Variants in BICDL1 observed in about 807,000 individuals in gnomAD.
BICDL1 encodes BICD family-like cargo adapter 1.
Under a neutral mutation model 76.8 loss-of-function variants are expected in BICDL1, and 20 were observed. That is an observed-to-expected ratio of 0.26 (90% CI 0.18 to 0.38). The LOEUF is 0.38. Among genes scored for constraint, BICDL1 ranks in the 10% least tolerant of loss-of-function variants. The pLI, the probability that BICDL1 is intolerant of heterozygous loss-of-function variation, is 1.00. For missense variants in BICDL1, 700 were observed against 798.6 expected, an observed-to-expected ratio of 0.88 and a Z score of 1.49; for synonymous variants, 383 against 337.1, an observed-to-expected ratio of 1.14 and a Z score of -1.49.
intron 2 of BICDL1, among the ~76,000 whole-genome samples, chr12:120,022,719 C>T (rs1430636414): frequency 4.0e-5 from 6 of 151,842 alleles, no homozygotes; most frequent in African/African-American, 7.3e-5. Context: ...GAGTGATCCC[C>T]GAGAAATGGG....
chr12:119,997,092 G>A (rs917244409), intron 1 of BICDL1, among the ~76,000 whole-genome samples: 2 of 152,004 alleles, frequency 1.3e-5, no homozygotes, highest in Non-Finnish European at 2.9e-5. Flanking sequence ...GGGACTGCAG[G>A]CCCTCGCCAC....
intron 1 of BICDL1, among the ~76,000 whole-genome samples, chr12:119,996,147 C>G (rs746404450): frequency 1.1e-4 from 16 of 152,142 alleles, no homozygotes; most frequent in South Asian, 6.2e-4. Context: ...TCAACAGATA[C>G]ACTCGAGTGG....
At chr12:120,030,890 G>T (rs984474759) in intron 2 of BICDL1, among the ~76,000 whole-genome samples, 2 of 152,026 alleles carry the variant, frequency 1.3e-5, no homozygotes, top group African/African-American at 4.8e-5. Flanking sequence ...TTTGCCTCAA[G>T]GCATGGGTTT....
At chr12:120,040,142 A>C (rs919624789) in intron 2 of BICDL1, among the ~76,000 whole-genome samples, 4 of 151,596 alleles carry the variant, frequency 2.6e-5, no homozygotes, top group Non-Finnish European at 5.9e-5. Context: ...TCATTCTGTC[A>C]CCCACACTGG....
chr12:119,998,775 A>G, intron 2 of BICDL1, 39 bp downstream of exon 2: 3 of 1,576,002 alleles, frequency 1.9e-6, no homozygotes, highest in African/African-American at 2.7e-5. Context: ...TAAAATACTA[A>G]AAGTTGAAAT....
At chr12:120,020,758 A>G (rs997900069) in intron 2 of BICDL1, among the ~76,000 whole-genome samples, 1 of 152,228 alleles carries the variant, frequency 6.6e-6, no homozygotes, top group African/African-American at 2.4e-5. Flanking sequence ...ACAAGGAGAA[A>G]GACACAGCTT....
chr12:120,091,491 G>A (rs1021402347), intron 9 of BICDL1: 5 of 992,044 alleles, frequency 5.0e-6, no homozygotes, highest in African/African-American at 1.8e-5. Flanking sequence ...ACTGTGCCAA[G>A]GATCATATAC....
chr12:120,064,636 A>G lies in BICDL1; in HGVS notation c.763-97A>G, dbSNP rs1594188807. 24 of 1,254,312 alleles carry G rather than the reference A, an allele frequency of 1.9e-5. No individual in the cohort carries two copies. In the East Asian group the frequency reaches 6.1e-4, roughly 32 times the overall value. 77.7% of individuals were successfully genotyped at this position (1,254,312 alleles called of 1,614,324 possible). A position where few individuals can be genotyped will look rare whatever the true frequency, so the allele number is the denominator to read the frequency against. ...ACCGTGACATTGGGCAGAATACTGA[A>G]AGATACTTGCCTTCATGTTTTGGGG... On this transcript the variant is annotated intron_variant, in intron 3 of 9. Coordinates refer to ENST00000548673, the MANE Select transcript of BICDL1 (RefSeq NM_001367886.1).
intron 2 of BICDL1, among the ~76,000 whole-genome samples, chr12:120,054,016 T>C (rs183912791): frequency 1.3e-5 from 2 of 149,512 alleles, no homozygotes; most frequent in East Asian, 3.9e-4. Context: ...CTACTAAAAA[T>C]ATAAAAAAAA....
At chr12:120,069,477 G>A (rs1308750027) in intron 4 of BICDL1, among the ~76,000 whole-genome samples, 2 of 152,148 alleles carry the variant, frequency 1.3e-5, no homozygotes, top group Non-Finnish European at 2.9e-5. Flanking sequence ...AAAGAACCCT[G>A]GACTGGGAGT....
At chr12:120,030,407 T>C (rs1952398369) in intron 2 of BICDL1, among the ~76,000 whole-genome samples, 1 of 152,140 alleles carries the variant, frequency 6.6e-6, no homozygotes, top group African/African-American at 2.4e-5. Context: ...CCTGAAGAGA[T>C]GGGTGTATTT....
chr12:119,996,286 T>C (rs569602047), intron 1 of BICDL1, among the ~76,000 whole-genome samples: 1 of 152,226 alleles, frequency 6.6e-6, no homozygotes, highest in South Asian at 2.1e-4. Context: ...TTCTTTTGAC[T>C]GCTCTCAATC....
rs531480554 is a variant in BICDL1, at chr12:119,989,236, A to C, written c.-633A>C. Among the ~76,000 whole-genome samples the C allele has an allele frequency of 6.7e-6, 1 of 149,792 alleles. No individual in the cohort carries two copies. Among genetic ancestry groups the C allele is most frequent in the African/African-American group, 2.4e-5 (1 of 41,116 alleles). On this transcript the variant is annotated 5_prime_UTR_variant, in exon 1 of 10. Transcript: ENST00000548673. ...TGAGCCGGGAGGAGCCGGGGAAGGC[A>C]GGAAGGAGCTCGCCGGGTTGCGCGG...
chr12:119,994,394 C>CT (rs376520041), intron 1 of BICDL1, among the ~76,000 whole-genome samples: 2,164 of 136,096 alleles, frequency 0.016, 39 homozygotes, highest in African/African-American at 0.042. Context: ...TTTTTTGGTT[C>CT]TTTTTTTTTT....
At chr12:120,062,776 T>C (rs1953133688) in intron 3 of BICDL1, among the ~76,000 whole-genome samples, 2 of 152,196 alleles carry the variant, frequency 1.3e-5, no homozygotes, top group Admixed American at 6.5e-5. Flanking sequence ...AAGTAGAGTT[T>C]GTTCCAGTGG....
rs1206851980 is a variant in BICDL1 at position 120,053,001 on chromosome 12, A to G, written c.646-8709A>G. Among the ~76,000 whole-genome samples the G allele has an allele frequency of 2.0e-5, 3 of 152,032 alleles. No homozygotes were observed. The East Asian group carries it at 5.8e-4, about 29-fold the overall frequency. On this transcript the variant is annotated intron_variant, in intron 2 of 9. Coordinates refer to ENST00000548673, the MANE Select transcript of BICDL1 (RefSeq NM_001367886.1). Reference sequence around the variant, plus strand: ...CACCATGTTGGCCAGGCTGGTCTCAAACTCCTGACCGCAAATGATCCACCC... The same window carrying G: ...CACCATGTTGGCCAGGCTGGTCTCAGACTCCTGACCGCAAATGATCCACCC...
intron 8 of BICDL1, among the ~76,000 whole-genome samples, chr12:120,087,744 T>A (rs1179617439): frequency 6.6e-6 from 1 of 152,162 alleles, no homozygotes; most frequent in Non-Finnish European, 1.5e-5. Flanking sequence ...TCGAAAAAAA[T>A]TAATTTTCTT....
At chr12:120,061,915 C>G in intron 3 of BICDL1, 89 bp downstream of exon 3, 1 of 813,938 alleles carries the variant, frequency 1.2e-6, no homozygotes, top group South Asian at 1.5e-5. Flanking sequence ...GGCCTAAAAT[C>G]TCTACAGAAA....
chr12:120,067,050 G>T (rs1953236009), intron 4 of BICDL1, among the ~76,000 whole-genome samples: 1 of 152,146 alleles, frequency 6.6e-6, no homozygotes, highest in Admixed American at 6.5e-5. Context: ...TCAAACAACT[G>T]ATCAAATCCA....
Sources: allele counts gnomAD v4.1 joint callset (sites outside exome capture counted in the v4.1 genomes callset), GRCh38; gene constraint gnomAD v4.1.1; transcripts MANE v1.5; gene names NCBI Gene and HGNC (gene_info 2026-07-23, HGNC 2026-07-21).